Variants in ACSL5 observed in about 807,000 individuals in gnomAD.
ACSL5 encodes the protein acyl-CoA synthetase long chain family member 5, also known as long-chain-fatty-acid--CoA ligase 5.
Under a neutral mutation model 84.9 loss-of-function variants are expected in ACSL5, and 50 were observed. The ratio of observed to expected loss-of-function variants is 0.59; its 90% CI spans 0.47 to 0.75. The LOEUF (loss-of-function observed/expected upper bound fraction) is 0.75. ACSL5 is among the 30% of genes least tolerant of loss of function. The pLI is 0.00. For missense variants in ACSL5, 775 were observed against 830.4 expected (o/e 0.93, Z 0.82); for synonymous variants, 280 against 300.7 (o/e 0.93, Z 0.71).
At chr10:112,410,143 A>G (rs181347914) in intron 7 of ACSL5, 1 of 1,282,074 alleles carries the variant, frequency 7.8e-7, no homozygotes, top group Admixed American at 2.7e-5. Flanking sequence ...GATATGTAAT[A>G]AGCTCTGAAA....
chr10:112,409,576 G>T lies in ACSL5; in HGVS notation c.602G>T (p.Gly201Val). ...ALVLIGNVEK[G>V]FTPSLKVIIL... The stretch of plus-strand genomic sequence containing the variant: ...GTGCTGATAGGGAATGTAGAGAAAG[G>T]CTTCACCCCGAGCCTGAAGGTGATC... Residue 201 changes from glycine (G) to valine (V), a missense_variant, in exon 7 of 21, where the codon GGC (glycine) becomes GTC (valine). Physicochemically the swap from Gly to Val is moderately radical, Grantham distance 109. Coordinates refer to ENST00000354655, the MANE Select transcript of ACSL5 (RefSeq NM_203379.2). 1.9e-6 allele frequency: 3 copies of T among 1,614,114 alleles called. No homozygotes were observed. The highest frequency in any genetic ancestry group is 1.7e-6 in the Non-Finnish European group (2 of 1,180,016).
intron 11 of ACSL5, chr10:112,412,201 C>A: frequency 1.9e-6 from 1 of 523,484 alleles, no homozygotes. Context: ...ATAGTACTTG[C>A]TCCTGCCTTC....
intron 1 of ACSL5, chr10:112,375,201 C>A (rs1038676098): frequency 1.3e-5 from 2 of 152,150 alleles, no homozygotes; most frequent in South Asian, 4.1e-4. Flanking sequence ...GAGGAAGTTG[C>A]CTCTTGGGGA....
At chr10:112,425,636 A>G (rs2133685148) in intron 18 of ACSL5, 155 bp downstream of exon 18, 2 of 667,852 alleles carry the variant, frequency 3.0e-6, no homozygotes, top group East Asian at 6.5e-5. Context: ...CAAACCTCAA[A>G]TAAGGCAATT....
At chr10:112,425,559 T>C (rs1436450038) in intron 18 of ACSL5, 78 bp downstream of exon 18, 3 of 1,243,766 alleles carry the variant, frequency 2.4e-6, no homozygotes, top group South Asian at 2.2e-5. Context: ...ATTTGTATAG[T>C]TGGGTTCAGA....
chr10:112,376,591 G>C (rs2277208), intron 1 of ACSL5: 576,804 of 1,144,882 alleles, frequency 0.5, 147,706 homozygotes, highest in South Asian at 0.58. Flanking sequence ...ACATCATGCT[G>C]TCTCCCTCCT....
At chr10:112,379,338 G>C (rs984019847) in intron 1 of ACSL5, among the ~76,000 whole-genome samples, 28 of 151,388 alleles carry the variant, frequency 1.8e-4, no homozygotes, top group African/African-American at 6.3e-4. Flanking sequence ...CCAGGAGGCG[G>C]AGGTTGCAGT....
intron 1 of ACSL5, among the ~76,000 whole-genome samples, chr10:112,379,467 G>A (rs1564728886): frequency 6.6e-6 from 1 of 151,920 alleles, no homozygotes; most frequent in Non-Finnish European, 1.5e-5. Context: ...CAGAAGTGGA[G>A]GGGCAGTAAT....
intron 1 of ACSL5, among the ~76,000 whole-genome samples, chr10:112,384,497 G>A (rs1849411935): frequency 6.6e-6 from 1 of 151,882 alleles, no homozygotes; most frequent in Admixed American, 6.6e-5. Flanking sequence ...TTGTTTTTTT[G>A]TTTTGTTTTG....
intron 17 of ACSL5, among the ~76,000 whole-genome samples, chr10:112,423,049 G>A (rs899345749): frequency 2.1e-5 from 3 of 140,188 alleles, no homozygotes; most frequent in East Asian, 2.2e-4. Flanking sequence ...TTAGCTGGGC[G>A]TGGTGGTGGG....
intron 12 of ACSL5, among the ~76,000 whole-genome samples, chr10:112,416,358 C>T (rs1844313439): frequency 6.6e-6 from 1 of 150,518 alleles, no homozygotes; most frequent in African/African-American, 2.5e-5. Context: ...GTAGTCCCAG[C>T]TACTCAGGAG....
chr10:112,411,611 GACACACACACACACATACACAC>G, intron 10 of ACSL5, 82 bp downstream of exon 10: 3 of 1,163,058 alleles, frequency 2.6e-6, no homozygotes, highest in Admixed American at 2.0e-5. Context: ...AGAGCAGGCA[GACACACACACACACATACACAC>G]ACACACACAC....
chr10:112,414,049 G>A lies in ACSL5; in HGVS notation c.1083+742G>A, dbSNP rs145109543. On this transcript the variant is annotated intron_variant, in intron 12 of 20. Transcript: ENST00000354655. Reference sequence around the variant, plus strand: ...CAGAGTCACATCTAATAAGGGGTAGGGCAGAATTAAGCTTTCAGTAGTCAT... The same window carrying A: ...CAGAGTCACATCTAATAAGGGGTAGAGCAGAATTAAGCTTTCAGTAGTCAT... Among the ~76,000 whole-genome samples, 325 of 152,218 alleles carry A rather than the reference G, an allele frequency of 2.1e-3. 1 individual carries two copies. Among genetic ancestry groups the A allele is most frequent in the African/African-American group, 7.4e-3 (309 of 41,544 alleles).
chr10:112,411,871 T>A (rs745435553), intron 10 of ACSL5, 31 bp from the exon 11 acceptor site: 2 of 1,586,030 alleles, frequency 1.3e-6, no homozygotes, highest in Admixed American at 3.3e-5. Context: ...TAATCTCATG[T>A]TGCCTCCTCT....
chr10:112,390,288 C>T (rs190826203), intron 1 of ACSL5, among the ~76,000 whole-genome samples: 8 of 152,194 alleles, frequency 5.3e-5, no homozygotes, highest in South Asian at 2.1e-4. Context: ...AAATGCTCAA[C>T]ATCCTTAGTC....
chr10:112,421,149 TGTTC>T (rs961914277), intron 14 of ACSL5, among the ~76,000 whole-genome samples: 21 of 152,006 alleles, frequency 1.4e-4, no homozygotes, highest in African/African-American at 5.1e-4. Context: ...GTTTTTTGTT[TGTTC>T]GTTTGTTTGT....
chr10:112,374,957 C>T (rs1849209526), intron 1 of ACSL5, among the ~76,000 whole-genome samples: 1 of 151,998 alleles, frequency 6.6e-6, no homozygotes. Flanking sequence ...GGGTGTCACT[C>T]ATGTGCACAG....
rs11286757 is a variant in ACSL5 at position 112,386,181 on chromosome 10, C to CTT, written c.-29-8708_-29-8707dup. On this transcript the variant is annotated intron_variant, in intron 1 of 20. Coordinates refer to ENST00000354655, the MANE Select transcript of ACSL5 (RefSeq NM_203379.2). ...TGACCAATAGAAAACTCCTATAGCT[C>CTT]TTTTTTTTTTTTTTTTTTTTTTTTT... is the stretch of plus-strand genomic sequence containing the variant. 2.2e-3 allele frequency among the ~76,000 whole-genome samples: 158 copies of CTT among 71,832 alleles called. 12 individuals carry two copies. Among genetic ancestry groups the CTT allele is most frequent in the African/African-American group, 4.2e-3 (75 of 17,758 alleles). 47.1% of individuals were successfully genotyped at this position (71,832 alleles called of 152,430 possible). A position where few individuals can be genotyped will look rare whatever the true frequency, so the allele number is the denominator to read the frequency against.
intron 1 of ACSL5, among the ~76,000 whole-genome samples, chr10:112,391,678 C>G (rs1021944086): frequency 1.3e-5 from 2 of 152,110 alleles, no homozygotes; most frequent in African/African-American, 4.8e-5. Flanking sequence ...ATTAACAGAC[C>G]GTGATCCAAA....
Sources: allele counts gnomAD v4.1 joint callset (sites outside exome capture counted in the v4.1 genomes callset), GRCh38; gene constraint gnomAD v4.1.1; transcripts MANE v1.5; gene names NCBI Gene and HGNC (gene_info 2026-07-23, HGNC 2026-07-21).